The following C12orf42 variants were observed in gnomAD, a reference collection of about 807,000 sequenced individuals.
C12orf42 encodes the protein chromosome 12 open reading frame 42.
A neutral mutation model predicts 21.6 loss-of-function variants in C12orf42; 25 were observed. The observed-to-expected ratio is 1.16, with a 90% CI of 0.84 to 1.62. The LOEUF (loss-of-function observed/expected upper bound fraction) is 1.62, where lower values mean the gene tolerates loss of function less well. Among genes scored for constraint, C12orf42 ranks in the 40% most tolerant of loss-of-function variants. C12orf42 has a pLI of 0.00. For missense variants in C12orf42, 483 were observed against 459.3 expected (o/e 1.05, Z -0.47); for synonymous variants, 174 against 175.0 (o/e 0.99, Z 0.05).
the C12orf42 span, among the ~76,000 whole-genome samples, chr12:103,505,187 C>G: frequency 9.2e-5 from 14 of 152,254 alleles, no homozygotes; most frequent in African/African-American, 3.1e-4. Context: ...ACTCCATTTA[C>G]CTTGAAATAG....
intron 4 of C12orf42, among the ~76,000 whole-genome samples, chr12:103,366,570 GA>G (rs1259272089): frequency 6.6e-6 from 1 of 151,806 alleles, no homozygotes; most frequent in African/African-American, 2.4e-5. Context: ...ATACATCTGA[GA>G]AAGGACTAAT....
At chr12:103,349,099 T>C (rs2042880036) in intron 4 of C12orf42, 1 of 152,200 alleles carries the variant, frequency 6.6e-6, no homozygotes, top group South Asian at 2.1e-4. Flanking sequence ...GGAGGTCACA[T>C]GACTTAGTTA....
the C12orf42 span, among the ~76,000 whole-genome samples, chr12:103,225,925 ATCGGG>A: frequency 6.6e-6 from 1 of 152,180 alleles, no homozygotes; most frequent in Admixed American, 6.5e-5. Context: ...TTCCTAGGCG[ATCGGG>A]CAGTGTCTGT....
At chr12:103,136,504 A>G in the C12orf42 span, among the ~76,000 whole-genome samples, 2 of 152,174 alleles carry the variant, frequency 1.3e-5, no homozygotes, top group Non-Finnish European at 2.9e-5. Flanking sequence ...CAAAATACAA[A>G]TATAATTTTT....
At position 103,302,066 on chromosome 12, in the gene C12orf42, T is replaced by G. The variant is rs955895105; in HGVS notation, c.*42A>C. 1 of 1,574,518 alleles carries G rather than the reference T, an allele frequency of 6.4e-7. No homozygotes were observed. Among genetic ancestry groups the G allele is most frequent in the African/African-American group, 1.4e-5 (1 of 73,958 alleles). On this transcript the variant is annotated 3_prime_UTR_variant, in exon 6 of 6. Coordinates refer to ENST00000548883, the MANE Select transcript of C12orf42 (RefSeq NM_198521.5). ...TCTGTTGTTCTGAGCAGGCATTGATTTGAAGATGGGCAGCACTCGCCGAAC... is the reference window on the plus strand; with the variant it reads ...TCTGTTGTTCTGAGCAGGCATTGATGTGAAGATGGGCAGCACTCGCCGAAC...
intron 4 of C12orf42, among the ~76,000 whole-genome samples, chr12:103,359,938 T>A (rs141144376): frequency 1.3e-5 from 2 of 151,660 alleles, no homozygotes; most frequent in Admixed American, 1.3e-4. Flanking sequence ...CTTTAACCCA[T>A]GATCCTGCCC....
At chr12:103,271,292 C>G (rs1054688691) in intron 5 of C12orf42, among the ~76,000 whole-genome samples, 1 of 152,158 alleles carries the variant, frequency 6.6e-6, no homozygotes, top group Admixed American at 6.5e-5. Flanking sequence ...AAACATACCA[C>G]TATGAAATAA....
the C12orf42 span, chr12:103,505,276 C>T: frequency 1.2e-5 from 3 of 249,814 alleles, no homozygotes; most frequent in Non-Finnish European, 2.4e-5. Flanking sequence ...AGCAGACTCC[C>T]CTCACATCAA....
the C12orf42 span, among the ~76,000 whole-genome samples, chr12:103,202,831 A>T: frequency 6.6e-6 from 1 of 152,166 alleles, no homozygotes. Flanking sequence ...GGGCCAAACA[A>T]TTCAGCTGTT....
the C12orf42 span, among the ~76,000 whole-genome samples, chr12:103,081,958 GTC>G: frequency 6.6e-6 from 1 of 151,994 alleles, no homozygotes. Context: ...CAAATGTATT[GTC>G]TCTCCTCTCT....
upstream of C12orf42, among the ~76,000 whole-genome samples, chr12:103,496,768 C>A (rs1593039995): frequency 6.9e-6 from 1 of 145,046 alleles, no homozygotes; most frequent in Non-Finnish European, 1.5e-5. Context: ...GATGGACACC[C>A]TCCCCACCAC....
chr12:103,260,076 A>G (rs941294098), intron 10 of C12orf42, among the ~76,000 whole-genome samples: 3 of 152,188 alleles, frequency 2.0e-5, no homozygotes, highest in Admixed American at 6.5e-5. Context: ...GAACTAGTAC[A>G]TTTTCAGCCT....
chr12:103,322,646 C>A (rs1346694907), intron 4 of C12orf42, among the ~76,000 whole-genome samples: 1 of 152,114 alleles, frequency 6.6e-6, no homozygotes, highest in Non-Finnish European at 1.5e-5. Flanking sequence ...TCGGTAATGT[C>A]TTATCGAAAT....
chr12:103,087,101 T>A, the C12orf42 span, among the ~76,000 whole-genome samples: 1 of 150,604 alleles, frequency 6.6e-6, no homozygotes. Flanking sequence ...TGTTTGTTTG[T>A]TTTTTTAGAT....
the C12orf42 span, among the ~76,000 whole-genome samples, chr12:103,199,658 T>TA: frequency 6.6e-6 from 1 of 151,998 alleles, no homozygotes; most frequent in African/African-American, 2.4e-5. Context: ...AAGAAACCAT[T>TA]AATAAACAAA....
At position 103,437,637 on chromosome 12, in the gene C12orf42, A is replaced by G. The variant is rs555206546; in HGVS notation, c.79-35962T>C. ...GAATACTACAAACACCTCTATGCAA[A>G]TAAACTAGAAAATCTAGAAGAAATG... On this transcript the variant is annotated intron_variant, in intron 2 of 5. Transcript: ENST00000548883. 5.5e-3 allele frequency among the ~76,000 whole-genome samples: 831 copies of G among 152,170 alleles called. 9 individuals are homozygous for G. Among genetic ancestry groups the G allele is most frequent in the African/African-American group, 0.019 (784 of 41,522 alleles).
the C12orf42 span, among the ~76,000 whole-genome samples, chr12:103,219,963 T>C: frequency 2.0e-5 from 3 of 152,190 alleles, no homozygotes; most frequent in Admixed American, 2.0e-4. Context: ...CATGCAAATG[T>C]ATGTTTATTG....
the C12orf42 span, among the ~76,000 whole-genome samples, chr12:103,194,846 G>T: frequency 6.6e-5 from 10 of 152,110 alleles, no homozygotes; most frequent in Non-Finnish European, 1.0e-4. Context: ...TTTGTTAGGT[G>T]GGTAAATTGT....
chr12:103,418,315 A>G (rs191821339), intron 2 of C12orf42, among the ~76,000 whole-genome samples: 30 of 152,320 alleles, frequency 2.0e-4, no homozygotes, highest in Admixed American at 1.4e-3. Flanking sequence ...GCCGTCTTCT[A>G]GATAGGATCA....
Sources: gnomAD v4.1 joint callset for allele counts (sites outside exome capture counted in the v4.1 genomes callset) on GRCh38, gnomAD v4.1.1 for gene constraint, MANE v1.5 for transcripts, NCBI Gene and HGNC (gene_info 2026-07-23, HGNC 2026-07-21) for gene names.